ATRX: variants seen among roughly 807,000 people sequenced by gnomAD.
ATRX encodes chromatin remodeler ATRX.
ATRX carries 12 observed loss-of-function variants against 172.6 expected under a neutral mutation model. The observed-to-expected ratio is 0.07, with a 90% CI of 0.04 to 0.11. ATRX has a LOEUF of 0.11. Among genes scored for constraint, ATRX ranks in the 10% least tolerant of loss-of-function variants. The pLI, the probability that ATRX is intolerant of heterozygous loss-of-function variation, is 1.00. For synonymous variants in ATRX, 674 were observed against 594.7 expected, an observed-to-expected ratio of 1.13 and a Z score of -1.94; for missense variants, 1,368 against 1,767.4, an observed-to-expected ratio of 0.77 and a Z score of 4.05.
intron 10 of ATRX, among the ~76,000 whole-genome samples, chrX:77,673,686 G>T (rs1256190625): frequency 3.6e-5 from 4 of 110,600 alleles, no homozygotes; most frequent in Non-Finnish European, 7.6e-5. Flanking sequence ...AAATATTCAG[G>T]ATATGACTAA....
chrX:77,618,774 G>C (rs782415959), intron 21 of ATRX, 32 bp downstream of exon 21: 2 of 1,142,152 alleles, frequency 1.8e-6, no homozygotes, highest in African/African-American at 3.6e-5. Flanking sequence ...AAAAAAGTAA[G>C]AATATTTTAT....
chrX:77,635,783 G>A, intron 16 of ATRX, 132 bp downstream of exon 16: 1 of 539,239 alleles, frequency 1.9e-6, no homozygotes, highest in East Asian at 3.7e-5. Flanking sequence ...ATAAAGGCAG[G>A]GGAATTGTGG....
chrX:77,756,426 C>T (rs1310600392), intron 1 of ATRX, among the ~76,000 whole-genome samples: 2 of 110,368 alleles, frequency 1.8e-5, no homozygotes, highest in Non-Finnish European at 3.8e-5. Flanking sequence ...ACTCCTGCAG[C>T]TAGCTCACTG....
intron 2 of ATRX, among the ~76,000 whole-genome samples, chrX:77,702,199 T>C (rs1184619483): frequency 1.8e-5 from 2 of 112,432 alleles, no homozygotes; most frequent in African/African-American, 6.5e-5. Flanking sequence ...TCCCAAAACT[T>C]TGGGAGGCCG....
chrX:77,700,957 T>G (rs189403942), intron 2 of ATRX, among the ~76,000 whole-genome samples: 2 of 112,693 alleles, frequency 1.8e-5, no homozygotes, highest in African/African-American at 6.4e-5. Flanking sequence ...GATACCACAA[T>G]GGTGAATGCA....
chrX:77,642,130 G>A (rs182601768), intron 15 of ATRX, among the ~76,000 whole-genome samples: 1 of 111,441 alleles, frequency 9.0e-6, no homozygotes, highest in East Asian at 2.8e-4. Context: ...AGGAGTTTGA[G>A]GTTACAGTGA....
At chrX:77,631,521 A>G (rs781946061) in intron 19 of ATRX, among the ~76,000 whole-genome samples, 31 of 111,248 alleles carry the variant, frequency 2.8e-4, no homozygotes, top group Admixed American at 6.7e-4. Flanking sequence ...TAACATCATC[A>G]GTAACAGCAA....
At chrX:77,738,541 T>C (rs1226501021) in intron 1 of ATRX, among the ~76,000 whole-genome samples, 1 of 106,334 alleles carries the variant, frequency 9.4e-6, no homozygotes, top group East Asian at 2.9e-4. Flanking sequence ...TATGTTTTTT[T>C]TGTTTCTCTT....
At chrX:77,737,099 CA>C (rs1248308285) in intron 1 of ATRX, among the ~76,000 whole-genome samples, 86 of 96,184 alleles carry the variant, frequency 8.9e-4, no homozygotes, top group African/African-American at 2.1e-3. Context: ...TTAATGGGTA[CA>C]AAAAAAAAAA....
intron 2 of ATRX, among the ~76,000 whole-genome samples, chrX:77,701,003 A>G (rs2072475411): frequency 8.9e-6 from 1 of 112,476 alleles, no homozygotes; most frequent in Middle Eastern, 4.6e-3. Flanking sequence ...TTTAAAATGT[A>G]TAACACCAAG....
chrX:77,549,141 T>G (rs959176008), intron 30 of ATRX, among the ~76,000 whole-genome samples: 2 of 111,543 alleles, frequency 1.8e-5, no homozygotes, highest in African/African-American at 6.5e-5. Context: ...TCCCAGCACT[T>G]TAGGAGACCG....
chrX:77,655,033 T>A (rs181461165), intron 13 of ATRX, among the ~76,000 whole-genome samples: 1 of 111,036 alleles, frequency 9.0e-6, no homozygotes, highest in East Asian at 2.8e-4. Flanking sequence ...AATAAGCCAG[T>A]CAAAAAAGAC....
At chrX:77,543,131 A>T (rs1164454411) in intron 30 of ATRX, among the ~76,000 whole-genome samples, 1 of 112,270 alleles carries the variant, frequency 8.9e-6, no homozygotes, top group Non-Finnish European at 1.9e-5. Flanking sequence ...AAACAACCCT[A>T]TCAAAAAGTG....
intron 30 of ATRX, among the ~76,000 whole-genome samples, chrX:77,552,265 T>C (rs2064571103): frequency 2.7e-5 from 3 of 110,316 alleles, no homozygotes; most frequent in South Asian, 7.9e-4. Context: ...ATATACACCA[T>C]GGAATACTAT....
At chrX:77,512,933 T>C (rs781892869) in intron 34 of ATRX, among the ~76,000 whole-genome samples, 1 of 109,673 alleles carries the variant, frequency 9.1e-6, no homozygotes, top group African/African-American at 3.3e-5. Flanking sequence ...ACTAAAAGGA[T>C]GATAGGAAGA....
intron 28 of ATRX, among the ~76,000 whole-genome samples, chrX:77,570,673 C>T (rs144301718): frequency 1.1e-3 from 127 of 111,525 alleles, no homozygotes; most frequent in Non-Finnish European, 2.0e-3. Flanking sequence ...ACATCAGAAC[C>T]ATGATCAAAA....
At chrX:77,761,702 T>C (rs1557192848) in intron 1 of ATRX, among the ~76,000 whole-genome samples, 1 of 111,532 alleles carries the variant, frequency 9.0e-6, no homozygotes, top group African/African-American at 3.3e-5. Context: ...TTCCAGTACA[T>C]GATACAGTAT....
chrX:77,691,548 G>A (rs1189056890), intron 6 of ATRX, among the ~76,000 whole-genome samples: 2 of 110,705 alleles, frequency 1.8e-5, no homozygotes, highest in Non-Finnish European at 3.8e-5. Flanking sequence ...GTCAAAATAG[G>A]GTATGATACT....
intron 28 of ATRX, among the ~76,000 whole-genome samples, chrX:77,564,718 G>T (rs1834056449): frequency 9.1e-6 from 1 of 109,341 alleles, no homozygotes; most frequent in Non-Finnish European, 1.9e-5. Context: ...ATGTATCCTA[G>T]ATTGGTTGCT....
Sources: gnomAD v4.1 joint callset for allele counts (sites outside exome capture counted in the v4.1 genomes callset) on GRCh38, gnomAD v4.1.1 for gene constraint, MANE v1.5 for transcripts, NCBI Gene and HGNC (gene_info 2026-07-23, HGNC 2026-07-21) for gene names.